PARD3: variants seen among roughly 807,000 people sequenced by gnomAD.
PARD3 encodes the protein par-3 family cell polarity regulator.
A neutral mutation model predicts 155.4 loss-of-function variants in PARD3; 75 were observed. The observed-to-expected ratio is 0.48, with a 90% CI of 0.40 to 0.58. The LOEUF (loss-of-function observed/expected upper bound fraction) is 0.58. Ranked by LOEUF, PARD3 falls within the 20% of genes least tolerant of loss-of-function variation. PARD3 has a pLI of 0.00. For missense variants in PARD3, 1,642 were observed against 1,721.7 expected, an observed-to-expected ratio of 0.95 and a Z score of 0.82; for synonymous variants, 576 against 610.5, an observed-to-expected ratio of 0.94 and a Z score of 0.83.
At position 34,360,104 on chromosome 10, in the gene PARD3, G is replaced by T. The variant is rs777009777; in HGVS notation, c.1863C>A (p.Val621=). The change falls in exon 13 of 25, where the codon GTC becomes GTA. Residue 621 remains valine, a synonymous_variant. Coordinates refer to ENST00000374788, the MANE Select transcript of PARD3 (RefSeq NM_001184785.2). The part of the protein sequence containing the change: ...KENHADLGIF[V]KSIINGGAAS... ...CTGCTCCTCCATTAATAATGGACTT[G>T]ACAAAGATTCCCAAATCTGCGTGGT... 15 of 1,614,040 alleles carry T rather than the reference G, an allele frequency of 9.3e-6. No individual in the cohort carries two copies. The highest frequency in any genetic ancestry group is 3.3e-5 in the Admixed American group (2 of 60,022).
intron 1 of PARD3, among the ~76,000 whole-genome samples, chr10:34,734,401 T>G (rs1248408707): frequency 2.3e-5 from 3 of 130,302 alleles, no homozygotes; most frequent in Admixed American, 9.5e-5. Context: ...AGTGGCGCGA[T>G]CTCAGCTCAC....
intron 1 of PARD3, among the ~76,000 whole-genome samples, chr10:34,733,909 G>A (rs1391812047): frequency 6.6e-6 from 1 of 150,802 alleles, no homozygotes; most frequent in African/African-American, 2.4e-5. Flanking sequence ...CACAAAAGAA[G>A]AGAGTAAATT....
chr10:34,382,033 C>T (rs1841916064), intron 9 of PARD3, among the ~76,000 whole-genome samples: 2 of 151,786 alleles, frequency 1.3e-5, no homozygotes, highest in Admixed American at 6.6e-5. Context: ...AGTCAATGGC[C>T]TGGCTTCTCA....
intron 7 of PARD3, among the ~76,000 whole-genome samples, chr10:34,386,530 A>G (rs910736898): frequency 6.6e-6 from 1 of 152,166 alleles, no homozygotes; most frequent in African/African-American, 2.4e-5. Context: ...ATAGGAATCA[A>G]AGGAATTATT....
At chr10:34,580,920 T>C (rs7898093) in intron 2 of PARD3, among the ~76,000 whole-genome samples, 2,066 of 152,306 alleles carry the variant, frequency 0.014, 54 homozygotes, top group African/African-American at 0.046. Flanking sequence ...CCTTCAATCC[T>C]CCTTGTCTGA....
intron 22 of PARD3, among the ~76,000 whole-genome samples, chr10:34,160,536 A>G (rs1949223606): frequency 6.6e-6 from 1 of 152,244 alleles, no homozygotes; most frequent in Non-Finnish European, 1.5e-5. Context: ...CTGAAATTAG[A>G]TCTAACACAG....
At chr10:34,359,856 G>A (rs1417757207) in intron 13 of PARD3, among the ~76,000 whole-genome samples, 2 of 152,158 alleles carry the variant, frequency 1.3e-5, no homozygotes, top group Admixed American at 6.5e-5. Context: ...ATGTCAATGG[G>A]TTGTATGTTC....
intron 2 of PARD3, among the ~76,000 whole-genome samples, chr10:34,558,830 C>T (rs898393858): frequency 6.6e-6 from 1 of 152,128 alleles, no homozygotes; most frequent in Non-Finnish European, 1.5e-5. Flanking sequence ...GCCTGTAATG[C>T]CAGCTACTCA....
At chr10:34,329,403 C>A (rs977111610) in intron 19 of PARD3, among the ~76,000 whole-genome samples, 4 of 151,638 alleles carry the variant, frequency 2.6e-5, no homozygotes, top group African/African-American at 9.7e-5. Flanking sequence ...AAATATACAC[C>A]CAAGACAGAG....
intron 2 of PARD3, among the ~76,000 whole-genome samples, chr10:34,557,201 G>A (rs1421426745): frequency 1.3e-5 from 2 of 152,170 alleles, no homozygotes; most frequent in Admixed American, 6.5e-5. Context: ...TCATCTCCGA[G>A]TATGTTGGTT....
chr10:34,663,200 T>C (rs532787485), intron 2 of PARD3, among the ~76,000 whole-genome samples: 2 of 152,230 alleles, frequency 1.3e-5, no homozygotes, highest in East Asian at 3.9e-4. Flanking sequence ...CAGAGGCTCA[T>C]GCCTGTAATC....
chr10:34,116,068 A>G (rs1021380681), intron 24 of PARD3, among the ~76,000 whole-genome samples: 32 of 152,154 alleles, frequency 2.1e-4, no homozygotes, highest in African/African-American at 7.7e-4. Flanking sequence ...CAAAAATCCT[A>G]TTCTGATTGA....
At chr10:34,428,052 A>C (rs2075714005) in intron 5 of PARD3, among the ~76,000 whole-genome samples, 1 of 152,082 alleles carries the variant, frequency 6.6e-6, no homozygotes, top group South Asian at 2.1e-4. Flanking sequence ...ACTCCCAAAA[A>C]ACGACATCAT....
intron 5 of PARD3, among the ~76,000 whole-genome samples, chr10:34,428,516 A>G (rs1219719143): frequency 6.6e-6 from 1 of 152,138 alleles, no homozygotes; most frequent in Non-Finnish European, 1.5e-5. Flanking sequence ...AATTATATAA[A>G]TTGTCTTTAT....
chr10:34,677,874 T>A (rs1379652629), intron 2 of PARD3, among the ~76,000 whole-genome samples: 1 of 152,108 alleles, frequency 6.6e-6, no homozygotes, highest in Non-Finnish European at 1.5e-5. Context: ...TGCAGGGTAA[T>A]CTTTACTTTT....
intron 2 of PARD3, among the ~76,000 whole-genome samples, chr10:34,556,829 T>A (rs2085041730): frequency 6.6e-6 from 1 of 152,116 alleles, no homozygotes; most frequent in South Asian, 2.1e-4. Context: ...CACTCTCCTG[T>A]ATTGGGCTAT....
At chr10:34,228,055 C>T (rs1395556336) in intron 22 of PARD3, among the ~76,000 whole-genome samples, 1 of 151,400 alleles carries the variant, frequency 6.6e-6, no homozygotes, top group Non-Finnish European at 1.5e-5. Flanking sequence ...AAATGTGGCA[C>T]ATATACACCA....
Position 34,696,276 on chromosome 10 carries a change from A to C in PARD3, c.222+42T>G. 3 of 1,267,298 alleles carry C rather than the reference A, an allele frequency of 2.4e-6. 1 individual carries two copies. The highest frequency in any genetic ancestry group is 2.3e-5 in the East Asian group (1 of 43,332). The allele number at this position is 1,267,298 out of a possible 1,614,324, so 78.5% of individuals were successfully genotyped here. The stretch of plus-strand genomic sequence containing the variant: ...CACCCGCTCCCTAGTCCTCAAAAAA[A>C]AAAAATGCATTCAGAACAGGTTCCC... On this transcript the variant is annotated intron_variant, in intron 2 of 24. Transcript: ENST00000374788.
At chr10:34,698,733 C>T (rs1459015839) in intron 1 of PARD3, among the ~76,000 whole-genome samples, 2 of 152,172 alleles carry the variant, frequency 1.3e-5, no homozygotes, top group Non-Finnish European at 1.5e-5. Flanking sequence ...TTCCTAAAAA[C>T]CACAATCGTA....
Sources: gnomAD v4.1 joint callset for allele counts (sites outside exome capture counted in the v4.1 genomes callset) on GRCh38, gnomAD v4.1.1 for gene constraint, MANE v1.5 for transcripts, NCBI Gene and HGNC (gene_info 2026-07-23, HGNC 2026-07-21) for gene names.